GNAI2: variants seen among roughly 807,000 people sequenced by gnomAD.
The protein encoded by GNAI2 is guanine nucleotide-binding protein G(i) subunit alpha-2.
A neutral mutation model predicts 36.8 loss-of-function variants in GNAI2; 4 were observed. The observed-to-expected ratio is 0.11, with a 90% CI of 0.05 to 0.25. GNAI2 has a LOEUF of 0.25. GNAI2 is among the 10% of genes least tolerant of loss of function. The pLI is 1.00. For synonymous variants in GNAI2, 194 were observed against 194.1 expected, an observed-to-expected ratio of 1.00 and a Z score of 0.01; for missense variants, 230 against 481.3, an observed-to-expected ratio of 0.48 and a Z score of 4.89.
At position 50,253,183 on chromosome 3, in the gene GNAI2, T is replaced by C. The variant is rs1700608213; in HGVS notation, c.463T>C (p.Tyr155His). ...REYQLNDSAAYYLNDLERIAQ... is the reference protein window; with the variant it reads ...REYQLNDSAAHYLNDLERIAQ... Reference sequence around the variant, plus strand: ...ATACCAGCTCAACGACTCAGCTGCCTAGTGAGTGCTCTGAGGGGCTGGGCA... The same window carrying C: ...ATACCAGCTCAACGACTCAGCTGCCCAGTGAGTGCTCTGAGGGGCTGGGCA... The change falls in exon 4 of 9, where the codon TAC (tyrosine) becomes CAC (histidine). Residue 155 changes from tyrosine to histidine, a missense_variant and splice_region_variant. Physicochemically the swap from Tyr to His is moderately conservative, Grantham distance 83 (BLOSUM62 2). Coordinates refer to ENST00000313601, the MANE Select transcript of GNAI2 (RefSeq NM_002070.4). This position sits in a 1 kb window ranked among gnomAD's most constrained non-coding sequence, Gnocchi z 4.2. The C allele has an allele frequency of 6.2e-7, 1 of 1,607,468 alleles. No homozygotes were observed. The highest frequency in any genetic ancestry group is 1.1e-5 in the South Asian group (1 of 90,880).
chr3:50,247,478 A>C (rs1167318182), intron 1 of GNAI2, among the ~76,000 whole-genome samples: 1 of 152,236 alleles, frequency 6.6e-6, no homozygotes, highest in Non-Finnish European at 1.5e-5. Context: ...CAAGATGAAC[A>C]GATGCTGTGA....
chr3:50,239,499 C>T (rs1190546163), intron 1 of GNAI2: 1 of 152,216 alleles, frequency 6.6e-6, no homozygotes, highest in African/African-American at 2.4e-5. Flanking sequence ...CAGCATGGAG[C>T]CTGGCATCTA....
chr3:50,227,405 C>A (rs587653820), upstream of GNAI2: 60 of 344,608 alleles, frequency 1.7e-4, 1 homozygote, highest in African/African-American at 1.3e-3. This position sits in a 1 kb window ranked among gnomAD's most constrained non-coding sequence, Gnocchi z 5.9. Context: ...GCAGGCAAGG[C>A]GGGGGCCACC....
At chr3:50,251,278 G>A in intron 1 of GNAI2, 3 of 734,276 alleles carry the variant, frequency 4.1e-6, no homozygotes, top group Non-Finnish European at 5.0e-6. Flanking sequence ...GAGCCTCAAT[G>A]TCCTCATCTG....
chr3:50,245,619 G>A (rs1700398281), intron 1 of GNAI2, among the ~76,000 whole-genome samples: 1 of 152,244 alleles, frequency 6.6e-6, no homozygotes, highest in African/African-American at 2.4e-5. Context: ...GTCTTGTCCA[G>A]CACCTCCTGG....
chr3:50,257,520 G>A lies in GNAI2; in HGVS notation c.898G>A (p.Ala300Thr). The A allele has an allele frequency of 6.4e-7, 1 of 1,565,792 alleles. No individual in the cohort carries two copies. The highest frequency in any genetic ancestry group is 8.7e-7 in the Non-Finnish European group (1 of 1,152,596). The part of the protein sequence containing the change: ...EYTGANKYDE[A>T]ASYIQSKFED... ...CCCAGGGGCCAACAAATATGATGAG[G>A]CAGCCAGCTACATCCAGAGTAAGTT... Residue 300 changes from alanine (A) to threonine (T), a missense_variant, in exon 8 of 9, where the codon GCA becomes ACA. Physicochemically the swap from Ala to Thr is moderately conservative, Grantham distance 58. This residue lies in a region of GNAI2 where 51 missense variants were observed against 56.7 expected (regional missense o/e 0.90). Transcript: ENST00000313601.
chr3:50,251,177 G>A (rs1553702388), intron 1 of GNAI2: 1 of 169,902 alleles, frequency 5.9e-6, no homozygotes, highest in East Asian at 1.9e-4. Flanking sequence ...TTTTGAGAAT[G>A]GCAGGGTGGA....
Position 50,259,336 on chromosome 3 carries a change from A to G in GNAI2, c.*993A>G, listed in dbSNP as rs1559780103. 6.2e-6 allele frequency: 1 copy of G among 160,250 alleles called. No homozygotes were observed. Among genetic ancestry groups the G allele is most frequent in the Admixed American group, 6.2e-5 (1 of 16,152 alleles). The allele number at this position is 160,250 out of a possible 1,614,324, so 9.9% of individuals were successfully genotyped here. A position where few individuals can be genotyped will look rare whatever the true frequency, so the allele number is the denominator to read the frequency against. On this transcript the variant is annotated 3_prime_UTR_variant, in exon 9 of 9. Coordinates refer to ENST00000313601, the MANE Select transcript of GNAI2 (RefSeq NM_002070.4). ...TGTTCACCTGGTTTGAAATAATAAA[A>G]TGTAGAAAGAAAAAAAATACCGAGA...
At chr3:50,227,735 A>G (rs2109167114), upstream of GNAI2, among the ~76,000 whole-genome samples, 1 of 152,256 alleles carries the variant, frequency 6.6e-6, no homozygotes, top group East Asian at 1.9e-4. The surrounding 1 kb of genome is among the most constrained non-coding windows in gnomAD (Gnocchi z 5.9). Flanking sequence ...AAGGGGGAAA[A>G]TAAGAATTAG....
At position 50,253,301 on chromosome 3, in the gene GNAI2, A is replaced by T; in HGVS notation, c.464+117A>T. The T allele has an allele frequency of 5.3e-6, 3 of 562,746 alleles. No individual in the cohort carries two copies. Among genetic ancestry groups the T allele is most frequent in the Non-Finnish European group, 8.8e-6 (3 of 340,736 alleles). The allele number at this position is 562,746 out of a possible 1,614,324, so 34.9% of individuals were successfully genotyped here. A position where few individuals can be genotyped will look rare whatever the true frequency, so the allele number is the denominator to read the frequency against. The stretch of plus-strand genomic sequence containing the variant: ...CTGCTGGTCTTTGCTTATGAAACCG[A>T]TGACTGTTAACCAAGGCCTTCCTGT... On this transcript the variant is annotated intron_variant, in intron 4 of 8. Transcript: ENST00000313601. The surrounding 1 kb of genome is among the most constrained non-coding windows in gnomAD (Gnocchi z 4.2).
chr3:50,250,406 G>A (rs1700526304), intron 1 of GNAI2, among the ~76,000 whole-genome samples: 1 of 152,194 alleles, frequency 6.6e-6, no homozygotes, highest in African/African-American at 2.4e-5. Context: ...CAGCTAAGCT[G>A]CACAGAGGAA....
upstream of GNAI2, chr3:50,229,177 AC>A (rs2109168960): frequency 1.3e-5 from 2 of 152,316 alleles, no homozygotes; most frequent in South Asian, 4.1e-4. Context: ...AATAACATGA[AC>A]AAAGCAGTAG....
At chr3:50,234,645 G>GAGA (rs1559763206), upstream of GNAI2, among the ~76,000 whole-genome samples, 17 of 152,228 alleles carry the variant, frequency 1.1e-4, no homozygotes, top group African/African-American at 4.1e-4. Context: ...GAGCAACCAT[G>GAGA]CCCAGCCAAA....
chr3:50,232,680 G>A (rs1380476764), upstream of GNAI2, among the ~76,000 whole-genome samples: 8 of 152,200 alleles, frequency 5.3e-5, no homozygotes, highest in African/African-American at 1.9e-4. Flanking sequence ...TCCGAGCAAG[G>A]GGGTGATGTG....
rs1700626206 is a variant in GNAI2, at chr3:50,253,919, C to A, written c.464+735C>A. On this transcript the variant is annotated intron_variant, in intron 4 of 8. Transcript: ENST00000313601. The surrounding 1 kb of genome is among the most constrained non-coding windows in gnomAD (Gnocchi z 4.2). ...AGGGGAGGAGTGGATGAGGGGATTCCAGGCAGGGGCATAGCATGTGCAGCA... is the reference window on the plus strand; with the variant it reads ...AGGGGAGGAGTGGATGAGGGGATTCAAGGCAGGGGCATAGCATGTGCAGCA... 1.3e-5 allele frequency among the ~76,000 whole-genome samples: 2 copies of A among 151,834 alleles called. No individual in the cohort carries two copies. Among genetic ancestry groups the A allele is most frequent in the African/African-American group, 2.4e-5 (1 of 41,282 alleles).
Position 50,241,451 on chromosome 3 carries a change from TAGGCTCA to T in GNAI2, c.118+4999_118+5005del, listed in dbSNP as rs1553701130. The stretch of plus-strand genomic sequence containing the variant: ...CTGCCTGCATCCTGCCCAGTTCTGC[TAGGCTCA>T]GCCCCTGCCTCTCACGCCAGTGTCA... On this transcript the variant is annotated intron_variant, in intron 1 of 8. Transcript: ENST00000313601. The surrounding 1 kb of genome is among the most constrained non-coding windows in gnomAD (Gnocchi z 5.0). Among the ~76,000 whole-genome samples the T allele has an allele frequency of 3.8e-4, 58 of 152,302 alleles. No individual in the cohort carries two copies. The highest frequency in any genetic ancestry group is 1.3e-3 in the African/African-American group (55 of 41,572).
At chr3:50,257,893 C>G in intron 8 of GNAI2, 179 bp downstream of exon 8, 3 of 528,050 alleles carry the variant, frequency 5.7e-6, no homozygotes, top group Non-Finnish European at 1.0e-5. Context: ...GAGTGAGGTG[C>G]AGGGCATGGA....
Position 50,252,604 on chromosome 3 carries a change from C to T in GNAI2, c.303+66C>T. On this transcript the variant is annotated intron_variant, in intron 3 of 8. Coordinates refer to ENST00000313601, the MANE Select transcript of GNAI2 (RefSeq NM_002070.4). This position sits in a 1 kb window ranked among gnomAD's most constrained non-coding sequence, Gnocchi z 4.1. ...GTTTCGGGGTGGCTGGTTGTGGTGG[C>T]TCATGCCTATAAATCCCAGCACTTT... 2 of 1,354,528 alleles carry T rather than the reference C, an allele frequency of 1.5e-6. No homozygotes were observed. Among genetic ancestry groups the T allele is most frequent in the Non-Finnish European group, 2.1e-6 (2 of 966,816 alleles). The allele number at this position is 1,354,528 out of a possible 1,614,324, so 83.9% of individuals were successfully genotyped here.
At chr3:50,243,573 T>C (rs1432857960) in intron 1 of GNAI2, among the ~76,000 whole-genome samples, 2 of 152,252 alleles carry the variant, frequency 1.3e-5, no homozygotes, top group African/African-American at 2.4e-5. Context: ...TGGGCCTGTT[T>C]CCCCTCAGGT....
Sources: allele counts gnomAD v4.1 joint callset (sites outside exome capture counted in the v4.1 genomes callset), GRCh38; gene constraint gnomAD v4.1.1; regional missense constraint gnomAD v4.1.1; non-coding constraint Gnocchi (gnomAD v3.1); transcripts MANE v1.5; gene names NCBI Gene and HGNC (gene_info 2026-07-23, HGNC 2026-07-21).